The following GREM2 variants were observed in gnomAD, a reference collection of about 807,000 sequenced individuals.
GREM2 encodes gremlin 2, DAN family BMP antagonist.
A neutral mutation model predicts 14.2 loss-of-function variants in GREM2; 11 were observed. That is an observed-to-expected ratio of 0.78 (90% CI 0.49 to 1.28). The LOEUF (loss-of-function observed/expected upper bound fraction) is 1.28. GREM2 is among the 50% of genes most tolerant of loss of function. GREM2 has a pLI of 0.00. For synonymous variants in GREM2, 98 were observed against 97.6 expected, an observed-to-expected ratio of 1.00 and a Z score of -0.02; for missense variants, 210 against 218.5, an observed-to-expected ratio of 0.96 and a Z score of 0.24.
At chr1:240,527,079 T>G (rs1203394201) in intron 1 of GREM2, among the ~76,000 whole-genome samples, 3 of 152,188 alleles carry the variant, frequency 2.0e-5, no homozygotes, top group African/African-American at 4.8e-5. Flanking sequence ...GAAAAAAGAA[T>G]TAAGTCCATT....
intron 1 of GREM2, among the ~76,000 whole-genome samples, chr1:240,496,072 G>A (rs977909739): frequency 1.3e-5 from 2 of 152,066 alleles, no homozygotes; most frequent in Admixed American, 1.3e-4. Context: ...AAGTAGCTGA[G>A]ATTACAGGCG....
chr1:240,508,220 C>T (rs1677724480), intron 1 of GREM2, among the ~76,000 whole-genome samples: 1 of 152,146 alleles, frequency 6.6e-6, no homozygotes, highest in South Asian at 2.1e-4. Context: ...GTCCTGGACA[C>T]ATAGTAGATG....
In GREM2 at chr1:240,603,762, T is replaced by TA. The variant is rs150543201; in HGVS notation, c.-2+8121dup. On this transcript the variant is annotated intron_variant, in intron 1 of 1. Transcript: ENST00000318160. ...CAAGCTATATATACATACATATACA[T>TA]ACACACACACATATATGTTATTGTG... is the stretch of plus-strand genomic sequence containing the variant. Among the ~76,000 whole-genome samples, 94 of 152,050 alleles carry TA rather than the reference T, an allele frequency of 6.2e-4. 1 individual carries two copies. The East Asian group carries it at 0.018, about 29-fold the overall frequency.
At chr1:240,595,424 C>T (rs1679801639) in intron 1 of GREM2, among the ~76,000 whole-genome samples, 3 of 152,172 alleles carry the variant, frequency 2.0e-5, no homozygotes, top group Admixed American at 6.5e-5. Flanking sequence ...TCATCCCCTC[C>T]CCATGCACCC....
At chr1:240,507,577 C>T (rs1275855477) in intron 1 of GREM2, among the ~76,000 whole-genome samples, 1 of 152,122 alleles carries the variant, frequency 6.6e-6, no homozygotes, top group East Asian at 1.9e-4. Context: ...AAGTGATACG[C>T]CCACCTTGGC....
At chr1:240,522,614 C>T (rs1438731148) in intron 1 of GREM2, among the ~76,000 whole-genome samples, 5 of 152,140 alleles carry the variant, frequency 3.3e-5, no homozygotes, top group African/African-American at 9.7e-5. Context: ...TTTGCCCTTG[C>T]CCCTGAGAAA....
At chr1:240,537,743 C>T (rs903043448) in intron 1 of GREM2, among the ~76,000 whole-genome samples, 5 of 152,064 alleles carry the variant, frequency 3.3e-5, no homozygotes, top group African/African-American at 1.2e-4. Context: ...CGAGATGGCG[C>T]CACTGCACTC....
At chr1:240,497,602 G>A (rs1463718656) in intron 1 of GREM2, among the ~76,000 whole-genome samples, 1 of 138,112 alleles carries the variant, frequency 7.2e-6, no homozygotes, top group African/African-American at 2.5e-5. Flanking sequence ...ATGACGCTGG[G>A]CAAAGGGAGT....
At chr1:240,524,204 C>T (rs1029722643) in intron 1 of GREM2, among the ~76,000 whole-genome samples, 2 of 152,112 alleles carry the variant, frequency 1.3e-5, no homozygotes, top group Non-Finnish European at 2.9e-5. Context: ...TTTGTAAAGA[C>T]AAAAAATAAA....
intron 1 of GREM2, among the ~76,000 whole-genome samples, chr1:240,510,270 T>C (rs1398796438): frequency 1.4e-5 from 2 of 140,902 alleles, no homozygotes; most frequent in Non-Finnish European, 3.0e-5. Context: ...GTCGGGAGGC[T>C]GAGGCAGGAG....
chr1:240,500,585 G>A (rs767386578), intron 1 of GREM2, among the ~76,000 whole-genome samples: 1 of 152,076 alleles, frequency 6.6e-6, no homozygotes, highest in Non-Finnish European at 1.5e-5. Context: ...GATTACAAGC[G>A]TGAGCTGCCG....
At chr1:240,538,324 T>A (rs1034379400) in intron 1 of GREM2, among the ~76,000 whole-genome samples, 5 of 152,176 alleles carry the variant, frequency 3.3e-5, no homozygotes, top group Admixed American at 3.3e-4. Flanking sequence ...ATGCCAACCC[T>A]TTCAGTAACC....
chr1:240,499,949 ACATTTTCTATC>A (rs1020415554), intron 1 of GREM2, among the ~76,000 whole-genome samples: 1 of 152,190 alleles, frequency 6.6e-6, no homozygotes, highest in Non-Finnish European at 1.5e-5. Context: ...CCTGCTCCAA[ACATTTTCTATC>A]CAATTCAATC....
rs1677266245 is a variant in GREM2, at chr1:240,492,112, G to A, written c.*857C>T. On this transcript the variant is annotated 3_prime_UTR_variant, in exon 2 of 2. Transcript: ENST00000318160. ...AAACATGTGAAATAATACATGAATA[G>A]GTCTATAATACTTTTTAACAGCTCT... is the stretch of plus-strand genomic sequence containing the variant. 1 of 298,728 alleles carries A rather than the reference G, an allele frequency of 3.3e-6. No individual in the cohort carries two copies. The highest frequency in any genetic ancestry group is 7.3e-6 in the Non-Finnish European group (1 of 137,360). The allele number at this position is 298,728 out of a possible 1,614,324, so 18.5% of individuals were successfully genotyped here. A position where few individuals can be genotyped will look rare whatever the true frequency, so the allele number is the denominator to read the frequency against.
intron 1 of GREM2, among the ~76,000 whole-genome samples, chr1:240,559,767 A>G (rs1679008004): frequency 1.3e-5 from 2 of 152,202 alleles, no homozygotes; most frequent in South Asian, 4.1e-4. Flanking sequence ...TGCGTTTCTC[A>G]AAGTGATAGC....
chr1:240,606,770 C>T (rs1680033927), intron 1 of GREM2, among the ~76,000 whole-genome samples: 2 of 151,752 alleles, frequency 1.3e-5, no homozygotes, highest in South Asian at 4.2e-4. Context: ...CCTCCACCTC[C>T]CAGGTTCAAG....
intron 1 of GREM2, among the ~76,000 whole-genome samples, chr1:240,541,380 C>A (rs192438804): frequency 6.6e-6 from 1 of 152,190 alleles, no homozygotes; most frequent in African/African-American, 2.4e-5. Flanking sequence ...AGAAAAAGGG[C>A]CAAGAGTCCT....
chr1:240,602,826 C>A (rs1037932359), intron 1 of GREM2, among the ~76,000 whole-genome samples: 3 of 149,958 alleles, frequency 2.0e-5, no homozygotes, highest in East Asian at 4.0e-4. Context: ...AAAAATCCAG[C>A]ACTTTGGGAG....
At chr1:240,496,512 G>A (rs1482995207) in intron 1 of GREM2, among the ~76,000 whole-genome samples, 1 of 152,184 alleles carries the variant, frequency 6.6e-6, no homozygotes, top group Non-Finnish European at 1.5e-5. Flanking sequence ...CCACCATCGT[G>A]GACGTCACCG....
Sources: gnomAD v4.1 joint callset for allele counts (sites outside exome capture counted in the v4.1 genomes callset) on GRCh38, gnomAD v4.1.1 for gene constraint, MANE v1.5 for transcripts, NCBI Gene and HGNC (gene_info 2026-07-23, HGNC 2026-07-21) for gene names.